SRRM4: variants seen among roughly 807,000 people sequenced by gnomAD.
SRRM4 encodes the protein serine/arginine repetitive matrix 4, also known as serine/arginine repetitive matrix protein 4.
Under a neutral mutation model 68.9 loss-of-function variants are expected in SRRM4, and 33 were observed. That is an observed-to-expected ratio of 0.48 (90% CI 0.36 to 0.64). The LOEUF (loss-of-function observed/expected upper bound fraction) is 0.64. Among genes scored for constraint, SRRM4 ranks in the 30% least tolerant of loss-of-function variants. The pLI, the probability that SRRM4 is intolerant of heterozygous loss-of-function variation, is 0.00. For synonymous variants in SRRM4, 318 were observed against 318.8 expected, an observed-to-expected ratio of 1.00 and a Z score of 0.03; for missense variants, 817 against 827.1, an observed-to-expected ratio of 0.99 and a Z score of 0.15.
In SRRM4 at chr12:119,109,647, G is replaced by A. The variant is rs191381818; in HGVS notation, c.279-4631G>A. Among the ~76,000 whole-genome samples, 1,051 of 152,158 alleles carry A rather than the reference G, an allele frequency of 6.9e-3. 7 individuals are homozygous for A. The highest frequency in any genetic ancestry group is 0.031 in the Middle Eastern group (9 of 294). ...CTTGTGCATGTATCATGTAGTTCTC[G>A]TGCCATGATTTTCAGCTCCATCAGG... On this transcript the variant is annotated intron_variant, in intron 2 of 12. Coordinates refer to ENST00000267260, the MANE Select transcript of SRRM4 (RefSeq NM_194286.4).
In SRRM4 at chr12:119,150,491, G is replaced by A. The variant is rs147156475; in HGVS notation, c.1077-526G>A. On this transcript the variant is annotated intron_variant, in intron 9 of 12. Transcript: ENST00000267260. ...AAGAATCACATGTCCTAAATAAAAG[G>A]TACCTATAAAAACACATATGATTAA... 6.8e-3 allele frequency among the ~76,000 whole-genome samples: 1,035 copies of A among 152,206 alleles called. 40 individuals carry two copies. Among genetic ancestry groups the A allele is most frequent in the Admixed American group, 0.058 (880 of 15,290 alleles).
In SRRM4 at chr12:119,154,196, A is replaced by C; in HGVS notation, c.1392-47A>C. 6.5e-7 allele frequency: 1 copy of C among 1,543,922 alleles called. No individual in the cohort carries two copies. The highest frequency in any genetic ancestry group is 8.8e-7 in the Non-Finnish European group (1 of 1,136,724). On this transcript the variant is annotated intron_variant, in intron 11 of 12. Coordinates refer to ENST00000267260, the MANE Select transcript of SRRM4 (RefSeq NM_194286.4). This position sits in a 1 kb window ranked among gnomAD's most constrained non-coding sequence, Gnocchi z 4.7. ...CCCTCTCCCACGCGCTCACGCAGAA[A>C]ATCCAGCCCAGCCCCAGCTCCCCAG...
intron 1 of SRRM4, among the ~76,000 whole-genome samples, chr12:119,025,401 G>A (rs1184710267): frequency 6.6e-6 from 1 of 151,568 alleles, no homozygotes; most frequent in Non-Finnish European, 1.5e-5. Context: ...AGATGTGGGT[G>A]TCAAGATAAG....
At position 119,088,932 on chromosome 12, in the gene SRRM4, C is replaced by T. The variant is rs761403659; in HGVS notation, c.132-13304C>T. ...GGAATGGTGTTAAGCACTTTGCGTGCATCATCTCCAGGAGCTGGACACTAT... is the reference window on the plus strand; with the variant it reads ...GGAATGGTGTTAAGCACTTTGCGTGTATCATCTCCAGGAGCTGGACACTAT... On this transcript the variant is annotated intron_variant, in intron 1 of 12. Coordinates refer to ENST00000267260, the MANE Select transcript of SRRM4 (RefSeq NM_194286.4). Among the ~76,000 whole-genome samples, 5 of 152,320 alleles carry T rather than the reference C, an allele frequency of 3.3e-5. No homozygotes were observed. In the Middle Eastern group the frequency reaches 0.01, roughly 311 times the overall value.
Position 118,982,003 on chromosome 12 carries a change from C to T in SRRM4, c.121C>T (p.Pro41Ser). 1 of 1,609,994 alleles carries T rather than the reference C, an allele frequency of 6.2e-7. No homozygotes were observed. The highest frequency in any genetic ancestry group is 8.5e-7 in the Non-Finnish European group (1 of 1,178,282). Reference protein sequence around the residue: ...IIVASITARKPLPRTEPQNNP... With the variant: ...IIVASITARKSLPRTEPQNNP... Reference sequence around the variant, plus strand: ...TGTCGCCAGTATCACGGCCCGCAAGCCGCTGCCAAGGTAATGATCTCCTTC... The same window carrying T: ...TGTCGCCAGTATCACGGCCCGCAAGTCGCTGCCAAGGTAATGATCTCCTTC... The change falls in exon 1 of 13, where the codon CCG becomes TCG. Residue 41 changes from proline (P) to serine (S), a missense_variant. Transcript: ENST00000267260.
At chr12:119,018,934 G>T (rs958413804) in intron 1 of SRRM4, among the ~76,000 whole-genome samples, 2 of 152,198 alleles carry the variant, frequency 1.3e-5, no homozygotes, top group Non-Finnish European at 2.9e-5. Context: ...GCTGAAATTT[G>T]TGAATCTCCT....
intron 4 of SRRM4, among the ~76,000 whole-genome samples, chr12:119,119,496 A>C (rs1198710307): frequency 6.6e-6 from 1 of 151,550 alleles, no homozygotes; most frequent in Non-Finnish European, 1.5e-5. Flanking sequence ...GACTCAGAAA[A>C]TGTTACAAGG....
chr12:119,098,307 G>A (rs946446789), intron 1 of SRRM4, among the ~76,000 whole-genome samples: 2 of 152,208 alleles, frequency 1.3e-5, no homozygotes, highest in Non-Finnish European at 2.9e-5. Flanking sequence ...AGAAATATGA[G>A]GTTGAACAGA....
chr12:119,149,470 A>G (rs1466120171), intron 9 of SRRM4, among the ~76,000 whole-genome samples: 1 of 152,250 alleles, frequency 6.6e-6, no homozygotes, highest in Admixed American at 6.5e-5. Flanking sequence ...TATCTGGGAC[A>G]GAAGAGACAG....
intron 1 of SRRM4, among the ~76,000 whole-genome samples, chr12:119,047,486 C>T (rs1202012742): frequency 1.3e-5 from 2 of 152,150 alleles, no homozygotes; most frequent in African/African-American, 4.8e-5. Flanking sequence ...TCACCCTCCT[C>T]CCACCCTTTT....
At position 119,044,416 on chromosome 12, in the gene SRRM4, T is replaced by C. The variant is rs116474979; in HGVS notation, c.132-57820T>C. ...CAGAGCTGCACAGGCCCAGAGTTTT[T>C]ATTAAAGCTAATCCTCTTCCTTTCA... is the stretch of plus-strand genomic sequence containing the variant. On this transcript the variant is annotated intron_variant, in intron 1 of 12. Transcript: ENST00000267260. Among the ~76,000 whole-genome samples, 938 of 152,284 alleles carry C rather than the reference T, an allele frequency of 6.2e-3. 13 individuals carry two copies. Among genetic ancestry groups the C allele is most frequent in the African/African-American group, 0.021 (855 of 41,532 alleles).
intron 1 of SRRM4, among the ~76,000 whole-genome samples, chr12:119,077,766 A>G (rs1244392652): frequency 1.3e-5 from 2 of 152,228 alleles, no homozygotes; most frequent in Admixed American, 6.5e-5. Context: ...TAGCTATCCC[A>G]TAAATATTTG....
intron 12 of SRRM4, among the ~76,000 whole-genome samples, chr12:119,155,523 A>C (rs932722819): frequency 2.6e-5 from 4 of 152,212 alleles, no homozygotes; most frequent in African/African-American, 9.6e-5. Context: ...GCTGGATCTC[A>C]GGAGTTTGAG....
chr12:119,044,740 G>A (rs944789025), intron 1 of SRRM4, among the ~76,000 whole-genome samples: 7 of 152,106 alleles, frequency 4.6e-5, no homozygotes, highest in Admixed American at 4.6e-4. Context: ...AGAAAAAAAA[G>A]CCTGGCACAT....
At chr12:119,127,498 T>G (rs1239103962) in intron 7 of SRRM4, among the ~76,000 whole-genome samples, 1 of 151,818 alleles carries the variant, frequency 6.6e-6, no homozygotes, top group Non-Finnish European at 1.5e-5. Flanking sequence ...GGGGCCGAGG[T>G]GGGCAGATCA....
intron 1 of SRRM4, among the ~76,000 whole-genome samples, chr12:119,085,218 T>C (rs1953972663): frequency 6.6e-6 from 1 of 152,220 alleles, no homozygotes; most frequent in African/African-American, 2.4e-5. Flanking sequence ...ATTTTTTAAT[T>C]AGCAAACACA....
At chr12:119,017,660 G>C (rs1178791824) in intron 1 of SRRM4, among the ~76,000 whole-genome samples, 1 of 152,194 alleles carries the variant, frequency 6.6e-6, no homozygotes, top group African/African-American at 2.4e-5. Flanking sequence ...AACAAAGAAA[G>C]AGTGGAGTCC....
chr12:119,148,971 C>T (rs1397789391), intron 9 of SRRM4, among the ~76,000 whole-genome samples: 1 of 152,128 alleles, frequency 6.6e-6, no homozygotes, highest in Non-Finnish European at 1.5e-5. Flanking sequence ...GACTCTGGAG[C>T]TGCACAGATC....
chr12:119,130,620 C>T, intron 7 of SRRM4, 58 bp from the exon 8 acceptor site: 1 of 1,542,586 alleles, frequency 6.5e-7, no homozygotes, highest in Non-Finnish European at 8.8e-7. Flanking sequence ...GTCCTGCATA[C>T]ATCTCCCTAC....
Sources: gnomAD v4.1 joint callset for allele counts (sites outside exome capture counted in the v4.1 genomes callset) on GRCh38, gnomAD v4.1.1 for gene constraint, Gnocchi (gnomAD v3.1) non-coding constraint, MANE v1.5 for transcripts, NCBI Gene and HGNC (gene_info 2026-07-23, HGNC 2026-07-21) for gene names.